DPYD: variants seen among roughly 807,000 people sequenced by gnomAD.
DPYD encodes the protein dihydropyrimidine dehydrogenase, also known as dihydropyrimidine dehydrogenase [NADP(+)].
Under a neutral mutation model 116.2 loss-of-function variants are expected in DPYD, and 109 were observed. That is an observed-to-expected ratio of 0.94 (90% CI 0.80 to 1.10). The LOEUF (loss-of-function observed/expected upper bound fraction) is 1.10. Among genes scored for constraint, DPYD ranks in the 50% least tolerant of loss-of-function variants. DPYD has a pLI of 0.00. For missense variants in DPYD, 1,302 were observed against 1,254.5 expected (o/e 1.04, Z -0.57); for synonymous variants, 440 against 432.0 (o/e 1.02, Z -0.23).
At chr1:97,590,163 AC>A (rs773635733) in intron 10 of DPYD, among the ~76,000 whole-genome samples, 12 of 152,166 alleles carry the variant, frequency 7.9e-5, no homozygotes, top group Non-Finnish European at 1.6e-4. Context: ...TAACACTGAA[AC>A]TTCTATGAAT....
chr1:97,581,906 G>A (rs1653707865), intron 10 of DPYD, among the ~76,000 whole-genome samples: 1 of 152,142 alleles, frequency 6.6e-6, no homozygotes, highest in Admixed American at 6.6e-5. Flanking sequence ...GTGTGGAAGG[G>A]TAAAGGAGTT....
chr1:97,615,915 C>T (rs1011834835), intron 8 of DPYD, among the ~76,000 whole-genome samples: 2 of 152,072 alleles, frequency 1.3e-5, no homozygotes, highest in Non-Finnish European at 2.9e-5. Context: ...GTTAAGATTC[C>T]CTCTGACTGG....
At chr1:97,104,971 C>T (rs2101611089) in intron 20 of DPYD, among the ~76,000 whole-genome samples, 1 of 152,156 alleles carries the variant, frequency 6.6e-6, no homozygotes, top group South Asian at 2.1e-4. Context: ...GCCCAGGCCA[C>T]AAAGAGGACC....
chr1:97,270,547 G>T (rs756970938), intron 18 of DPYD, among the ~76,000 whole-genome samples: 4 of 152,186 alleles, frequency 2.6e-5, no homozygotes, highest in Non-Finnish European at 4.4e-5. Context: ...GGGCTGGTAA[G>T]CTCTGCTGCA....
intron 15 of DPYD, among the ~76,000 whole-genome samples, chr1:97,376,988 C>T (rs1195192907): frequency 6.7e-6 from 1 of 149,338 alleles, no homozygotes; most frequent in East Asian, 2.0e-4. Context: ...TCTTTCACTA[C>T]TTTTGGCCTT....
chr1:97,410,450 G>A (rs1011789328), intron 14 of DPYD, among the ~76,000 whole-genome samples: 2 of 152,106 alleles, frequency 1.3e-5, no homozygotes, highest in Non-Finnish European at 2.9e-5. Flanking sequence ...TAAATTCAAC[G>A]ATTATTTTGA....
chr1:97,528,425 A>G (rs989322096), intron 12 of DPYD, among the ~76,000 whole-genome samples: 7 of 152,164 alleles, frequency 4.6e-5, no homozygotes, highest in South Asian at 2.1e-4. Flanking sequence ...CTAGAAAATT[A>G]AATAATATTA....
At chr1:97,686,953 GA>G (rs1289653073) in intron 7 of DPYD, among the ~76,000 whole-genome samples, 1 of 151,780 alleles carries the variant, frequency 6.6e-6, no homozygotes, top group Non-Finnish European at 1.5e-5. Flanking sequence ...AAATTTACAA[GA>G]AAAAAACCAA....
chr1:97,492,802 T>C (rs904406053), intron 13 of DPYD, among the ~76,000 whole-genome samples: 6 of 152,156 alleles, frequency 3.9e-5, no homozygotes, highest in African/African-American at 1.4e-4. Context: ...GGCTTTTGGG[T>C]ATCAAATTAC....
At chr1:97,287,476 T>G (rs1219059383) in intron 18 of DPYD, among the ~76,000 whole-genome samples, 1 of 152,152 alleles carries the variant, frequency 6.6e-6, no homozygotes, top group Non-Finnish European at 1.5e-5. Context: ...ACAGGGACAT[T>G]TAAGTCTGCA....
At chr1:97,721,393 G>A (rs759551156) in intron 5 of DPYD, 117 bp downstream of exon 5, 92 of 1,231,500 alleles carry the variant, frequency 7.5e-5, no homozygotes, top group Non-Finnish European at 1.1e-4. Flanking sequence ...ACATACTTGA[G>A]CTGTGTGTCA....
intron 19 of DPYD, among the ~76,000 whole-genome samples, chr1:97,196,766 C>T (rs1487516412): frequency 6.6e-6 from 1 of 152,126 alleles, no homozygotes; most frequent in African/African-American, 2.4e-5. Context: ...CACCAGAATT[C>T]CTGGCCATAC....
Position 97,234,890 on chromosome 1 carries a change from C to T in DPYD, c.2404G>A (p.Gly802Ser). The T allele has an allele frequency of 1.9e-6, 3 of 1,613,920 alleles. No individual in the cohort carries two copies. The highest frequency in any genetic ancestry group is 1.1e-5 in the South Asian group (1 of 91,056). The part of the protein sequence containing the change: ...ATGGIDSAES[G>S]LQFLHSGASV... ...GCACCACTATGGAGAAACTGAAGAC[C>T]ACTTTCAGCAGAGTCAATTCCACCA... The change falls in exon 19 of 23, where the codon GGT becomes AGT. Residue 802 changes from glycine to serine, a missense_variant. Transcript: ENST00000370192.
chr1:97,860,186 T>C (rs749557804), intron 2 of DPYD, among the ~76,000 whole-genome samples: 1 of 151,752 alleles, frequency 6.6e-6, no homozygotes, highest in Non-Finnish European at 1.5e-5. Context: ...CTACTAAAAA[T>C]ACAAAAATTA....
intron 3 of DPYD, chr1:97,775,154 G>T (rs1666330119): frequency 6.5e-6 from 1 of 154,122 alleles, no homozygotes; most frequent in Admixed American, 6.5e-5. Flanking sequence ...CCATTCAAGT[G>T]TAAAATATTT....
At chr1:97,665,315 T>A (rs1365894213) in intron 8 of DPYD, among the ~76,000 whole-genome samples, 2 of 152,184 alleles carry the variant, frequency 1.3e-5, no homozygotes, top group African/African-American at 4.8e-5. Flanking sequence ...TGTTTATATT[T>A]TAGTAATTAC....
chr1:97,303,675 C>T (rs1488588231), intron 18 of DPYD, among the ~76,000 whole-genome samples: 1 of 151,974 alleles, frequency 6.6e-6, no homozygotes, highest in African/African-American at 2.4e-5. Flanking sequence ...TGGAGAAAGG[C>T]TATTTTCAAA....
At chr1:97,098,383 TA>T in intron 21 of DPYD, 105 bp downstream of exon 21, 1 of 1,387,934 alleles carries the variant, frequency 7.2e-7, no homozygotes. Flanking sequence ...ATTATAATTC[TA>T]AAACCAAATT....
intron 3 of DPYD, among the ~76,000 whole-genome samples, chr1:97,771,439 T>C (rs984755388): frequency 3.9e-5 from 6 of 152,140 alleles, no homozygotes; most frequent in Admixed American, 6.5e-5. Flanking sequence ...GAGACATGCA[T>C]ATATGTGCAC....
Sources: allele counts gnomAD v4.1 joint callset (sites outside exome capture counted in the v4.1 genomes callset), GRCh38; gene constraint gnomAD v4.1.1; transcripts MANE v1.5; gene names NCBI Gene and HGNC (gene_info 2026-07-23, HGNC 2026-07-21).